The following CROCC2 variants were observed in gnomAD, a reference collection of about 807,000 sequenced individuals.
CROCC2 encodes the protein ciliary rootlet coiled-coil, rootletin family member 2.
CROCC2 carries 163 observed loss-of-function variants against 177.6 expected under a neutral mutation model. That is an observed-to-expected ratio of 0.92 (90% CI 0.81 to 1.05). CROCC2 has a LOEUF of 1.05. CROCC2 is among the 50% of genes least tolerant of loss of function. CROCC2 has a pLI of 0.00. For missense variants in CROCC2, 1,929 were observed against 1,797.8 expected (o/e 1.07, Z -1.32); for synonymous variants, 904 against 787.3 (o/e 1.15, Z -2.48).
At chr2:240,946,758 G>A (rs2059526955) in intron 15 of CROCC2, among the ~76,000 whole-genome samples, 1 of 152,204 alleles carries the variant, frequency 6.6e-6, no homozygotes, top group Non-Finnish European at 1.5e-5. Context: ...TCCCTGCAAG[G>A]CCTGAGAGCG....
chr2:240,943,189 G>A (rs905951282), intron 14 of CROCC2, among the ~76,000 whole-genome samples: 1 of 151,892 alleles, frequency 6.6e-6, no homozygotes, highest in Admixed American at 6.6e-5. Flanking sequence ...TGTGTTTTTT[G>A]TAGAAATGGG....
At chr2:240,971,915 C>T (rs1225770503) in intron 27 of CROCC2, among the ~76,000 whole-genome samples, 3 of 152,118 alleles carry the variant, frequency 2.0e-5, no homozygotes, top group Non-Finnish European at 4.4e-5. Flanking sequence ...GTCTGCTGCT[C>T]CTGTCCCCAC....
At chr2:240,925,494 G>A (rs1041682243) in intron 4 of CROCC2, among the ~76,000 whole-genome samples, 4 of 152,226 alleles carry the variant, frequency 2.6e-5, no homozygotes, top group African/African-American at 9.6e-5. Context: ...GAGGCAGGAG[G>A]GCACTGGGCT....
intron 15 of CROCC2, among the ~76,000 whole-genome samples, chr2:240,947,656 G>A (rs74000179): frequency 0.015 from 2,222 of 152,298 alleles, 51 homozygotes; most frequent in African/African-American, 0.051. Context: ...GTGGGAAACC[G>A]TGCTGCAGCT....
chr2:240,954,332 G>A (rs914159905), intron 18 of CROCC2, among the ~76,000 whole-genome samples: 12 of 152,142 alleles, frequency 7.9e-5, no homozygotes, highest in African/African-American at 2.9e-4. Context: ...CAAGTCCGGG[G>A]GTCTCCAGGC....
chr2:240,989,884 G>A, intron 30 of CROCC2, 51 bp downstream of exon 30: 1 of 1,476,052 alleles, frequency 6.8e-7, no homozygotes, highest in South Asian at 1.3e-5. Flanking sequence ...AGGGACAGAG[G>A]ACTGGCATCC....
rs576700604 is a variant in CROCC2 at position 240,967,193 on chromosome 2, C to T, written c.4147-152C>T. 2.1e-4 allele frequency: 84 copies of T among 396,806 alleles called. 1 individual carries two copies. Among genetic ancestry groups the T allele is most frequent in the Non-Finnish European group, 3.0e-4 (67 of 225,302 alleles). The allele number at this position is 396,806 out of a possible 1,614,324, so 24.6% of individuals were successfully genotyped here. On this transcript the variant is annotated intron_variant, in intron 25 of 31. Coordinates refer to ENST00000690015, the MANE Select transcript of CROCC2 (RefSeq NM_001351305.2). The stretch of plus-strand genomic sequence containing the variant: ...GTGATCACCTTCCCCGCACCTTCCC[C>T]GAGCCCACGGCCCACACCACCCACT...
chr2:240,963,391 G>A (rs990054557), intron 20 of CROCC2, 165 bp from the exon 21 acceptor site: 27 of 690,228 alleles, frequency 3.9e-5, no homozygotes, highest in East Asian at 8.4e-5. Context: ...TGCAGCCTCC[G>A]CAGCACTAGG....
chr2:240,942,555 T>C (rs2059500891), intron 14 of CROCC2, among the ~76,000 whole-genome samples: 1 of 152,218 alleles, frequency 6.6e-6, no homozygotes, highest in South Asian at 2.1e-4. Context: ...TGACAGACTT[T>C]GTGTTTTTGT....
chr2:240,914,130 C>T lies in CROCC2; in HGVS notation c.79-4596C>T, dbSNP rs539521184. Among the ~76,000 whole-genome samples, 7 of 152,330 alleles carry T rather than the reference C, an allele frequency of 4.6e-5. No homozygotes were observed. The South Asian group carries it at 8.3e-4, about 18-fold the overall frequency. On this transcript the variant is annotated intron_variant, in intron 1 of 31. Transcript: ENST00000690015. Reference sequence around the variant, plus strand: ...TTGCTCAGGCTGGGAAGGGGGCACACAGGGGAGGAGAACTGCAGTGGAGCC... The same window carrying T: ...TTGCTCAGGCTGGGAAGGGGGCACATAGGGGAGGAGAACTGCAGTGGAGCC...
At chr2:240,943,222 G>A (rs997605301) in intron 14 of CROCC2, among the ~76,000 whole-genome samples, 22 of 151,942 alleles carry the variant, frequency 1.4e-4, no homozygotes, top group Admixed American at 1.1e-3. Flanking sequence ...TGCCCAGGCT[G>A]GTCTCAAACT....
At position 240,946,075 on chromosome 2, in the gene CROCC2, CA is replaced by C; in HGVS notation, c.2186del (p.Gln729ArgfsTer114). ...CCTCCCCTAGGTCACATGCCAGAAA[CA>C]GGCCCTGGAGGAGCAGCTGGCTCAG... ...EQVGQVTCQK[Q>X]ALEEQLAQSL... On this transcript the variant is annotated frameshift_variant, in exon 15 of 32. Coordinates refer to ENST00000690015, the MANE Select transcript of CROCC2 (RefSeq NM_001351305.2). LOFTEE classifies it high-confidence loss of function. 6.6e-7 allele frequency: 1 copy of C among 1,517,128 alleles called. No homozygotes were observed. Among genetic ancestry groups the C allele is most frequent in the Non-Finnish European group, 8.9e-7 (1 of 1,121,738 alleles). The allele number at this position is 1,517,128 out of a possible 1,614,324, so 94.0% of individuals were successfully genotyped here. A position where few individuals can be genotyped will look rare whatever the true frequency, so the allele number is the denominator to read the frequency against.
rs934681495 is a variant in CROCC2 at position 240,988,728 on chromosome 2, G to C, written c.4552-11G>C. The C allele has an allele frequency of 2.2e-6, 3 of 1,368,486 alleles. No individual in the cohort carries two copies. The highest frequency in any genetic ancestry group is 2.9e-6 in the Non-Finnish European group (3 of 1,048,614). 84.8% of individuals were successfully genotyped at this position (1,368,486 alleles called of 1,614,324 possible). On this transcript the variant is annotated splice_polypyrimidine_tract_variant and intron_variant, in intron 28 of 31. Transcript: ENST00000690015. ...GGAGGCCACAGGTTCTGCCTCCTGG[G>C]ATCTCTGCAGATGGAGCAAGAGACA...
Position 240,949,684 on chromosome 2 carries a change from A to G in CROCC2, c.2634A>G (p.Ala878=). The part of the protein sequence containing the change: ...SQALAHREAL[A]QLQREKETLS... ...CGTTGGCCCACCGAGAGGCCCTGGCACAGCTCCAAAGGGAGAAGGTCTGCT... is the reference window on the plus strand; with the variant it reads ...CGTTGGCCCACCGAGAGGCCCTGGCGCAGCTCCAAAGGGAGAAGGTCTGCT... Residue 878 remains alanine, a synonymous_variant, in exon 17 of 32, where the codon GCA becomes GCG. Coordinates refer to ENST00000690015, the MANE Select transcript of CROCC2 (RefSeq NM_001351305.2). The surrounding 1 kb of genome is among the most constrained non-coding windows in gnomAD (Gnocchi z 4.5). 2 of 1,547,656 alleles carry G rather than the reference A, an allele frequency of 1.3e-6. No individual in the cohort carries two copies. Among genetic ancestry groups the G allele is most frequent in the South Asian group, 2.4e-5 (2 of 83,904 alleles).
intron 5 of CROCC2, among the ~76,000 whole-genome samples, chr2:240,927,118 T>C (rs527294455): frequency 1.3e-5 from 2 of 152,334 alleles, no homozygotes; most frequent in South Asian, 4.1e-4. Context: ...AGATATGCTT[T>C]CTCTTTCTCC....
intron 1 of CROCC2, among the ~76,000 whole-genome samples, chr2:240,914,088 G>A (rs1259972434): frequency 2.6e-5 from 4 of 152,250 alleles, no homozygotes; most frequent in African/African-American, 9.6e-5. Flanking sequence ...CCCGGAAGCT[G>A]CTTGGTTCCC....
chr2:240,970,510 C>A (rs3934763), intron 27 of CROCC2, among the ~76,000 whole-genome samples: 10 of 152,148 alleles, frequency 6.6e-5, no homozygotes, highest in African/African-American at 2.2e-4. Context: ...TTTATTCATC[C>A]TCTTTTCCCT....
chr2:240,958,275 C>T lies in CROCC2; in HGVS notation c.2944-1026C>T, dbSNP rs2059606519. On this transcript the variant is annotated intron_variant, in intron 19 of 31. Coordinates refer to ENST00000690015, the MANE Select transcript of CROCC2 (RefSeq NM_001351305.2). The surrounding 1 kb of genome is among the most constrained non-coding windows in gnomAD (Gnocchi z 6.7). ...CTCACAGGGGTATCCTGCAGCCAGG[C>T]CTCAGGGGCACCCATCACTGGCAGT... The T allele has an allele frequency of 3.6e-6, 3 of 826,174 alleles. No homozygotes were observed. Among genetic ancestry groups the T allele is most frequent in the Non-Finnish European group, 4.4e-6 (3 of 684,360 alleles). 51.2% of individuals were successfully genotyped at this position (826,174 alleles called of 1,614,324 possible).
In CROCC2 at chr2:240,965,876, G is replaced by A. The variant is rs2059679765; in HGVS notation, c.3844G>A (p.Ala1282Thr). The change falls in exon 24 of 32, where the codon GCA (alanine) becomes ACA (threonine). Residue 1282 changes from alanine to threonine, a missense_variant. Ala to Thr is a moderately conservative substitution (Grantham distance 58). Coordinates refer to ENST00000690015, the MANE Select transcript of CROCC2 (RefSeq NM_001351305.2). The part of the protein sequence containing the change: ...LEQELAQAEG[A>T]RQDAEAQLGR... The stretch of plus-strand genomic sequence containing the variant: ...GCAGGAGCTGGCCCAGGCTGAGGGT[G>A]CAAGGCAGGATGCGGAGGCCCAGCT... 8 of 1,441,758 alleles carry A rather than the reference G, an allele frequency of 5.5e-6. No homozygotes were observed. The highest frequency in any genetic ancestry group is 1.4e-5 in the African/African-American group (1 of 69,524). The allele number at this position is 1,441,758 out of a possible 1,614,324, so 89.3% of individuals were successfully genotyped here.
Sources: allele counts gnomAD v4.1 joint callset (sites outside exome capture counted in the v4.1 genomes callset), GRCh38; gene constraint gnomAD v4.1.1; non-coding constraint Gnocchi (gnomAD v3.1); transcripts MANE v1.5; gene names NCBI Gene and HGNC (gene_info 2026-07-23, HGNC 2026-07-21).